Variants in NKAIN2 observed in about 807,000 individuals in gnomAD.
NKAIN2 encodes the protein sodium/potassium transporting ATPase interacting 2.
In NKAIN2, 14 loss-of-function variants were observed where a neutral mutation model predicts 32.6. The observed-to-expected ratio is 0.43, with a 90% CI of 0.28 to 0.67. The LOEUF (loss-of-function observed/expected upper bound fraction) is 0.67. Ranked by LOEUF, NKAIN2 falls within the 30% of genes least tolerant of loss-of-function variation. NKAIN2 has a pLI of 0.17. For missense variants in NKAIN2, 198 were observed against 258.3 expected (o/e 0.77, Z 1.60); for synonymous variants, 80 against 87.2 (o/e 0.92, Z 0.46).
chr6:123,867,259 C>G (rs557503142), intron 1 of NKAIN2, among the ~76,000 whole-genome samples: 2 of 152,300 alleles, frequency 1.3e-5, no homozygotes, highest in South Asian at 4.1e-4. Flanking sequence ...AATGCCCTGT[C>G]TTAAAAATTT....
At chr6:124,682,061 G>C (rs1773651133) in intron 4 of NKAIN2, among the ~76,000 whole-genome samples, 1 of 151,750 alleles carries the variant, frequency 6.6e-6, no homozygotes, top group Non-Finnish European at 1.5e-5. Flanking sequence ...AAGAATCAGA[G>C]ATTTACTTCA....
chr6:123,929,044 A>G (rs189051085), intron 1 of NKAIN2, among the ~76,000 whole-genome samples: 7 of 152,286 alleles, frequency 4.6e-5, no homozygotes, highest in Non-Finnish European at 7.4e-5. Flanking sequence ...GTTCCATCCT[A>G]TGTTAGAAAT....
At chr6:124,433,628 T>A (rs536293959) in intron 3 of NKAIN2, among the ~76,000 whole-genome samples, 1 of 152,220 alleles carries the variant, frequency 6.6e-6, no homozygotes, top group African/African-American at 2.4e-5. Context: ...TCAGCTCCTA[T>A]CACTGACAGC....
chr6:124,475,304 GT>G (rs1245963864), intron 3 of NKAIN2, among the ~76,000 whole-genome samples: 1 of 152,098 alleles, frequency 6.6e-6, no homozygotes, highest in Non-Finnish European at 1.5e-5. Flanking sequence ...CATATCTCTA[GT>G]TTCTGCTAAA....
At chr6:124,402,972 A>G (rs1476713699) in intron 3 of NKAIN2, among the ~76,000 whole-genome samples, 1 of 152,284 alleles carries the variant, frequency 6.6e-6, no homozygotes, top group East Asian at 1.9e-4. Flanking sequence ...AAAAAAAATT[A>G]TTTCTCAAGA....
At chr6:124,236,799 G>A (rs1792790746) in intron 1 of NKAIN2, among the ~76,000 whole-genome samples, 1 of 152,028 alleles carries the variant, frequency 6.6e-6, no homozygotes, top group South Asian at 2.1e-4. Flanking sequence ...CTAGGGAGAA[G>A]AAGAAAAACC....
At chr6:124,182,378 AAAC>A (rs1189496099) in intron 1 of NKAIN2, among the ~76,000 whole-genome samples, 4 of 152,222 alleles carry the variant, frequency 2.6e-5, no homozygotes, top group Admixed American at 6.5e-5. Flanking sequence ...ATATTTTTAA[AAAC>A]AAGTCATTAT....
chr6:124,414,759 G>A (rs1444583173), intron 3 of NKAIN2, among the ~76,000 whole-genome samples: 1 of 152,036 alleles, frequency 6.6e-6, no homozygotes. Flanking sequence ...TTGCACATTT[G>A]ATTTATTTAA....
intron 1 of NKAIN2, among the ~76,000 whole-genome samples, chr6:124,233,915 T>TC: frequency 6.6e-6 from 1 of 152,156 alleles, no homozygotes; most frequent in Non-Finnish European, 1.5e-5. Flanking sequence ...TATAATGTTT[T>TC]CCCCCATTAG....
chr6:124,587,653 T>C (rs1189830167), intron 3 of NKAIN2, among the ~76,000 whole-genome samples: 1 of 152,186 alleles, frequency 6.6e-6, no homozygotes, highest in African/African-American at 2.4e-5. Flanking sequence ...ATATCTAAGC[T>C]TACTGCATGG....
chr6:124,156,355 C>T (rs1787987178), intron 1 of NKAIN2, among the ~76,000 whole-genome samples: 1 of 151,970 alleles, frequency 6.6e-6, no homozygotes, highest in African/African-American at 2.4e-5. Flanking sequence ...TCCCTAGATA[C>T]AGCTATCCTA....
rs892876521 is a variant in NKAIN2 at position 124,010,761 on chromosome 6, G to C, written c.54+206507G>C. ...AGGGCTCAGTCAAATTAGCTACTTTGGTTATTGCTGTAGTGGTAACATTTA... is the reference window on the plus strand; with the variant it reads ...AGGGCTCAGTCAAATTAGCTACTTTCGTTATTGCTGTAGTGGTAACATTTA... On this transcript the variant is annotated intron_variant, in intron 1 of 6. Coordinates refer to ENST00000368417, the MANE Select transcript of NKAIN2 (RefSeq NM_001040214.3). 2.6e-5 allele frequency among the ~76,000 whole-genome samples: 4 copies of C among 152,034 alleles called. No homozygotes were observed. The South Asian group carries it at 6.2e-4, about 24-fold the overall frequency.
intron 1 of NKAIN2, among the ~76,000 whole-genome samples, chr6:124,078,750 T>C (rs1454619868): frequency 6.6e-6 from 1 of 151,670 alleles, no homozygotes; most frequent in Non-Finnish European, 1.5e-5. Flanking sequence ...ACCTAAGACA[T>C]ATTAAGTGAA....
intron 3 of NKAIN2, among the ~76,000 whole-genome samples, chr6:124,551,437 A>G (rs984024463): frequency 4.6e-5 from 7 of 151,824 alleles, no homozygotes; most frequent in Admixed American, 1.3e-4. Flanking sequence ...TTTTCAGTTG[A>G]CCTCCTACCT....
intron 6 of NKAIN2, chr6:124,819,174 A>G: frequency 1.2e-6 from 1 of 865,866 alleles, no homozygotes; most frequent in Non-Finnish European, 1.4e-6. Flanking sequence ...CAAAATAGAA[A>G]GTAAGATTCC....
chr6:124,455,560 GA>G (rs1422153596), intron 3 of NKAIN2, among the ~76,000 whole-genome samples: 2 of 151,898 alleles, frequency 1.3e-5, no homozygotes, highest in African/African-American at 4.8e-5. Flanking sequence ...TGATATTAAA[GA>G]AAATCCCCCA....
At chr6:124,690,472 TGTTG>T (rs1774202307) in intron 4 of NKAIN2, among the ~76,000 whole-genome samples, 1 of 152,138 alleles carries the variant, frequency 6.6e-6, no homozygotes, top group East Asian at 1.9e-4. Flanking sequence ...TCCAGTAAAA[TGTTG>T]AAAAGAAGTG....
chr6:124,322,985 A>G (rs1797257548), intron 2 of NKAIN2, among the ~76,000 whole-genome samples: 1 of 152,138 alleles, frequency 6.6e-6, no homozygotes, highest in Non-Finnish European at 1.5e-5. Context: ...TTATGTAGTG[A>G]TATCTCATTG....
At chr6:124,119,569 G>T (rs1785776923) in intron 1 of NKAIN2, among the ~76,000 whole-genome samples, 1 of 152,122 alleles carries the variant, frequency 6.6e-6, no homozygotes, top group Admixed American at 6.5e-5. Context: ...CTTGCATATG[G>T]GACTGTATCT....
Sources: allele counts gnomAD v4.1 joint callset (sites outside exome capture counted in the v4.1 genomes callset), GRCh38; gene constraint gnomAD v4.1.1; transcripts MANE v1.5; gene names NCBI Gene and HGNC (gene_info 2026-07-23, HGNC 2026-07-21).